Variants in SCGB2B2 observed in about 807,000 individuals in gnomAD.
SCGB2B2 encodes the protein secretoglobin-like protein.
In SCGB2B2, 11 loss-of-function variants were observed where a neutral mutation model predicts 7.6. That is an observed-to-expected ratio of 1.45 (90% confidence interval 0.91 to 2.40). SCGB2B2 has a LOEUF of 2.40. Among genes scored for constraint, SCGB2B2 ranks in the 30% most tolerant of loss-of-function variants. The pLI is 0.00. For missense variants in SCGB2B2, 104 were observed against 115.4 expected (o/e 0.90, Z 0.45); for synonymous variants, 50 against 48.6 (o/e 1.03, Z -0.12).
intron 2 of SCGB2B2, 57 bp downstream of exon 2, chr19:34,594,446 T>G (rs2065385773): frequency 6.2e-7 from 1 of 1,603,688 alleles, no homozygotes; most frequent in Non-Finnish European, 8.5e-7. Flanking sequence ...GGGATGGTGA[T>G]GAGAGTGAAG....
At chr19:34,605,834 T>A (rs1343045380) in intron 1 of SCGB2B2, among the ~76,000 whole-genome samples, 1 of 152,146 alleles carries the variant, frequency 6.6e-6, no homozygotes, top group Non-Finnish European at 1.5e-5. Flanking sequence ...CCTCAGGTGA[T>A]CCACCCACCT....
chr19:34,645,541 G>GACACAC (rs112676925), intron 1 of SCGB2B2: 3 of 17,842 alleles, frequency 1.7e-4, no homozygotes, highest in South Asian at 2.4e-3. Context: ...CACAGACACA[G>GACACAC]ACACACACAC....
chr19:34,611,697 TGGAGTGCAG>T (rs1204655447), intron 1 of SCGB2B2, among the ~76,000 whole-genome samples: 10 of 151,954 alleles, frequency 6.6e-5, no homozygotes, highest in East Asian at 5.8e-4. Flanking sequence ...TTGCCCAGGC[TGGAGTGCAG>T]TGGCACGATC....
At chr19:34,587,608 G>C (rs1720887452), downstream of SCGB2B2, among the ~76,000 whole-genome samples, 1 of 152,144 alleles carries the variant, frequency 6.6e-6, no homozygotes, top group Non-Finnish European at 1.5e-5. Flanking sequence ...CCTTGTTCCA[G>C]ATCTTGGAGG....
intron 1 of SCGB2B2, among the ~76,000 whole-genome samples, chr19:34,673,943 T>C (rs1479034799): frequency 6.6e-6 from 1 of 152,180 alleles, no homozygotes; most frequent in Admixed American, 6.5e-5. Context: ...CATTCACAAG[T>C]TAGGGGTTTA....
intron 1 of SCGB2B2, among the ~76,000 whole-genome samples, chr19:34,645,142 G>C (rs1403158064): frequency 6.6e-6 from 1 of 152,118 alleles, no homozygotes; most frequent in Non-Finnish European, 1.5e-5. Context: ...TCTTCGTGAA[G>C]GGACAATAAA....
chr19:34,643,236 T>C (rs997033437), intron 1 of SCGB2B2, among the ~76,000 whole-genome samples: 2 of 152,172 alleles, frequency 1.3e-5, no homozygotes, highest in Non-Finnish European at 2.9e-5. Flanking sequence ...ATATTATTAC[T>C]ATAAAAAAGA....
chr19:34,664,583 C>T (rs1235033705), intron 1 of SCGB2B2, among the ~76,000 whole-genome samples: 4 of 152,206 alleles, frequency 2.6e-5, no homozygotes, highest in East Asian at 3.9e-4. Flanking sequence ...CGCTCTACTG[C>T]AGCCCAGTGC....
chr19:34,651,675 G>T (rs949656044), intron 1 of SCGB2B2, among the ~76,000 whole-genome samples: 1 of 151,034 alleles, frequency 6.6e-6, no homozygotes, highest in Non-Finnish European at 1.5e-5. Context: ...TAATTAGAAG[G>T]ATCACTATTG....
intron 1 of SCGB2B2, chr19:34,645,745 TGAGAG>T: frequency 2.7e-6 from 1 of 372,196 alleles, no homozygotes; most frequent in East Asian, 8.1e-5. Context: ...CGGGCAGGGC[TGAGAG>T]GAAACAGGTG....
chr19:34,606,816 TAA>T (rs11292811), intron 1 of SCGB2B2, among the ~76,000 whole-genome samples: 36 of 146,996 alleles, frequency 2.4e-4, no homozygotes, highest in Admixed American at 2.7e-4. Context: ...GGATGCATTG[TAA>T]AAAAAAAAAA....
At chr19:34,669,668 T>C (rs2067744694) in intron 1 of SCGB2B2, among the ~76,000 whole-genome samples, 2 of 95,478 alleles carry the variant, frequency 2.1e-5, no homozygotes, top group Non-Finnish European at 4.4e-5. Context: ...CCCAAAGGCA[T>C]GGCCCAGGGC....
At chr19:34,587,942 A>G (rs2065218249), downstream of SCGB2B2, among the ~76,000 whole-genome samples, 1 of 152,136 alleles carries the variant, frequency 6.6e-6, no homozygotes, top group South Asian at 2.1e-4. Context: ...TATTTTGGGG[A>G]GGATGTTTGC....
At chr19:34,649,849 C>T (rs2067118530) in intron 1 of SCGB2B2, among the ~76,000 whole-genome samples, 1 of 151,134 alleles carries the variant, frequency 6.6e-6, no homozygotes, top group Admixed American at 6.6e-5. Flanking sequence ...CTGTGCACCC[C>T]AGCTTTCCAC....
At chr19:34,660,217 G>C (rs2067413590) in intron 1 of SCGB2B2, among the ~76,000 whole-genome samples, 1 of 152,172 alleles carries the variant, frequency 6.6e-6, no homozygotes, top group Non-Finnish European at 1.5e-5. Flanking sequence ...TCAGGACCTA[G>C]GCATGGGCAA....
chr19:34,635,800 A>G (rs772498831), intron 1 of SCGB2B2: 6 of 160,336 alleles, frequency 3.7e-5, no homozygotes, highest in Admixed American at 3.0e-4. Context: ...CAGTACCCAC[A>G]TGTGAAGGGA....
intron 1 of SCGB2B2, among the ~76,000 whole-genome samples, chr19:34,615,929 A>C (rs915612634): frequency 5.3e-5 from 8 of 150,238 alleles, no homozygotes; most frequent in Admixed American, 1.3e-4. Flanking sequence ...ATGAGTGAGA[A>C]TACGTGGTGT....
chr19:34,602,437 C>T (rs2065652493), intron 1 of SCGB2B2, among the ~76,000 whole-genome samples: 1 of 152,152 alleles, frequency 6.6e-6, no homozygotes, highest in African/African-American at 2.4e-5. Context: ...TCAGGGGATG[C>T]AGTGGCGGTT....
intron 1 of SCGB2B2, among the ~76,000 whole-genome samples, chr19:34,614,761 A>C (rs1414856932): frequency 6.6e-6 from 1 of 152,226 alleles, no homozygotes; most frequent in Middle Eastern, 3.2e-3. Context: ...TTGCTTTCAT[A>C]AAGTAAGACT....
Sources: gnomAD v4.1 joint callset for allele counts (sites outside exome capture counted in the v4.1 genomes callset) on GRCh38, gnomAD v4.1.1 for gene constraint, MANE v1.5 for transcripts, NCBI Gene and HGNC (gene_info 2026-07-23, HGNC 2026-07-21) for gene names.